The following CSMD1 variants were observed in gnomAD, a reference collection of about 807,000 sequenced individuals.
The protein encoded by CSMD1 is CUB and Sushi multiple domains 1, also known as CUB and sushi domain-containing protein 1.
Under a neutral mutation model 417.5 loss-of-function variants are expected in CSMD1, and 213 were observed. That is an observed-to-expected ratio of 0.51 (90% confidence interval 0.46 to 0.57). The LOEUF (loss-of-function observed/expected upper bound fraction) is 0.57, where lower values mean the gene tolerates loss of function less well. Among genes scored for constraint, CSMD1 ranks in the 20% least tolerant of loss-of-function variants. The probability of loss-of-function intolerance (pLI) is 0.00; values close to 1 mark genes in which losing one functional copy is unlikely to be tolerated. For synonymous variants in CSMD1, 2,862 were observed against 1,736.8 expected (o/e 1.65, Z -16.11); for missense variants, 6,923 against 4,529.7 (o/e 1.53, Z -15.17).
At chr8:3,596,502 G>C (rs918637359) in intron 8 of CSMD1, among the ~76,000 whole-genome samples, 3 of 152,084 alleles carry the variant, frequency 2.0e-5, no homozygotes, top group African/African-American at 4.8e-5. Flanking sequence ...GATTCAAATG[G>C]GCTTTCTTTT....
At chr8:3,162,079 A>G (rs942478678) in intron 38 of CSMD1, 80 bp downstream of exon 38, 11 of 879,064 alleles carry the variant, frequency 1.3e-5, no homozygotes, top group Non-Finnish European at 2.0e-5. Flanking sequence ...CATGGGTACA[A>G]AGTGAGGGCT....
At chr8:3,278,216 T>A (rs1282131423) in intron 26 of CSMD1, 2 of 152,150 alleles carry the variant, frequency 1.3e-5, no homozygotes, top group African/African-American at 2.4e-5. Context: ...AAATAAGTGT[T>A]TAAAAAGCTC....
At chr8:3,903,922 C>G (rs77476677) in intron 5 of CSMD1, among the ~76,000 whole-genome samples, 8,225 of 152,064 alleles carry the variant, frequency 0.054, 542 homozygotes, top group African/African-American at 0.16. Flanking sequence ...TACCATGTAC[C>G]TCTTTGGTTC....
intron 54 of CSMD1, among the ~76,000 whole-genome samples, chr8:2,988,321 G>C (rs1020777164): frequency 6.6e-6 from 1 of 151,734 alleles, no homozygotes; most frequent in African/African-American, 2.4e-5. Context: ...TTTTACATGT[G>C]TCTAAACACC....
intron 1 of CSMD1, among the ~76,000 whole-genome samples, chr8:4,695,112 C>T (rs1407469849): frequency 6.6e-6 from 1 of 150,876 alleles, no homozygotes; most frequent in Non-Finnish European, 1.5e-5. Context: ...AGCCTGGGGT[C>T]TGAACTTCGA....
At chr8:3,295,271 C>T (rs1349419238) in intron 25 of CSMD1, among the ~76,000 whole-genome samples, 2 of 151,896 alleles carry the variant, frequency 1.3e-5, no homozygotes, top group Non-Finnish European at 2.9e-5. Context: ...ACTACAGGTG[C>T]CCACCACCAC....
chr8:3,945,869 A>G (rs1232672325), intron 5 of CSMD1, among the ~76,000 whole-genome samples: 2 of 152,120 alleles, frequency 1.3e-5, no homozygotes, highest in Non-Finnish European at 2.9e-5. Context: ...ATTATTCCAG[A>G]AATGCTGTAG....
At chr8:3,092,300 A>G (rs893846602) in intron 47 of CSMD1, among the ~76,000 whole-genome samples, 2 of 152,200 alleles carry the variant, frequency 1.3e-5, no homozygotes, top group Admixed American at 6.5e-5. Flanking sequence ...AATTCTTAAC[A>G]TAACAGATTA....
At chr8:4,717,282 T>C (rs1808716754) in intron 1 of CSMD1, among the ~76,000 whole-genome samples, 1 of 147,902 alleles carries the variant, frequency 6.8e-6, no homozygotes, top group Non-Finnish European at 1.5e-5. Flanking sequence ...GAAGCATCTC[T>C]GACCCTGCCC....
chr8:3,794,445 C>T (rs1799928460), intron 5 of CSMD1, among the ~76,000 whole-genome samples: 1 of 152,082 alleles, frequency 6.6e-6, no homozygotes, highest in South Asian at 2.1e-4. Context: ...ATCATAGAAT[C>T]AGTACTTATA....
At position 4,792,635 on chromosome 8, in the gene CSMD1, T is replaced by G. The variant is rs551624523; in HGVS notation, c.86-155077A>C. ...TATGGCCCTCTTTTAGACTACTGTT[T>G]TCTAATCTTTTGTAATTATATGGGA... On this transcript the variant is annotated intron_variant, in intron 1 of 69. Coordinates refer to ENST00000635120, the MANE Select transcript of CSMD1 (RefSeq NM_033225.6). Among the ~76,000 whole-genome samples the G allele has an allele frequency of 2.0e-4, 31 of 152,284 alleles. No individual in the cohort carries two copies. In the South Asian group the frequency reaches 6.4e-3, roughly 32 times the overall value.
intron 2 of CSMD1, among the ~76,000 whole-genome samples, chr8:4,472,473 G>C (rs1185520620): frequency 2.0e-5 from 3 of 152,036 alleles, no homozygotes; most frequent in Non-Finnish European, 4.4e-5. Flanking sequence ...TGAATAAAAT[G>C]AGAGGGACCC....
At chr8:3,316,072 C>CA (rs1805732392) in intron 23 of CSMD1, among the ~76,000 whole-genome samples, 1 of 152,094 alleles carries the variant, frequency 6.6e-6, no homozygotes, top group Non-Finnish European at 1.5e-5. Context: ...ATTTAAAACT[C>CA]AGAGTGGGGG....
intron 41 of CSMD1, among the ~76,000 whole-genome samples, chr8:3,124,689 G>A (rs543123836): frequency 3.9e-5 from 6 of 152,210 alleles, no homozygotes; most frequent in South Asian, 4.1e-4. Flanking sequence ...AAGTGGAGAC[G>A]AAGTAGTCGT....
intron 61 of CSMD1, among the ~76,000 whole-genome samples, chr8:2,961,538 C>T (rs1803489608): frequency 6.6e-6 from 1 of 152,014 alleles, no homozygotes; most frequent in Non-Finnish European, 1.5e-5. Context: ...AATGACCTAT[C>T]ACTATCTTTT....
chr8:4,157,057 C>A (rs7821609), intron 3 of CSMD1, among the ~76,000 whole-genome samples: 3 of 151,972 alleles, frequency 2.0e-5, no homozygotes, highest in Non-Finnish European at 4.4e-5. Flanking sequence ...AGCCTGTAGA[C>A]CAGAACAGGG....
intron 5 of CSMD1, among the ~76,000 whole-genome samples, chr8:3,932,057 G>C (rs528152967): frequency 1.3e-5 from 2 of 150,268 alleles, no homozygotes; most frequent in African/African-American, 2.5e-5. Context: ...CAGAGAGTAG[G>C]ATTCAATATA....
chr8:4,986,295 G>C (rs965750260), intron 1 of CSMD1, among the ~76,000 whole-genome samples: 2 of 152,138 alleles, frequency 1.3e-5, no homozygotes, highest in African/African-American at 2.4e-5. Flanking sequence ...TTATAGAAAA[G>C]GGAATGATGA....
intron 1 of CSMD1, among the ~76,000 whole-genome samples, chr8:4,737,844 G>A (rs564792986): frequency 1.3e-5 from 2 of 152,208 alleles, no homozygotes; most frequent in Admixed American, 1.3e-4. Flanking sequence ...AAAGGGAGGA[G>A]GAGTCAAATA....
Sources: allele counts gnomAD v4.1 joint callset (sites outside exome capture counted in the v4.1 genomes callset), GRCh38; gene constraint gnomAD v4.1.1; transcripts MANE v1.5; gene names NCBI Gene and HGNC (gene_info 2026-07-23, HGNC 2026-07-21).